Variants in PLXNC1 observed in about 807,000 individuals in gnomAD.
The protein encoded by PLXNC1 is plexin C1, also known as plexin-C1.
PLXNC1 carries 75 observed loss-of-function variants against 178.2 expected under a neutral mutation model. The observed-to-expected ratio is 0.42, with a 90% CI of 0.35 to 0.51. PLXNC1 has a LOEUF of 0.51. Ranked by LOEUF, PLXNC1 falls within the 20% of genes least tolerant of loss-of-function variation. PLXNC1 has a pLI of 0.02. For missense variants in PLXNC1, 1,503 were observed against 1,984.4 expected, an observed-to-expected ratio of 0.76 and a Z score of 4.61; for synonymous variants, 790 against 779.9, an observed-to-expected ratio of 1.01 and a Z score of -0.22.
chr12:94,159,932 G>A (rs1961316166), intron 1 of PLXNC1, among the ~76,000 whole-genome samples: 2 of 152,236 alleles, frequency 1.3e-5, no homozygotes, highest in Non-Finnish European at 2.9e-5. Context: ...AACTGAGGTT[G>A]CAGCAATGAG....
chr12:94,307,402 T>G lies in PLXNC1; in HGVS notation c.*2117T>G, dbSNP rs1005100392. 1 of 152,184 alleles carries G rather than the reference T, an allele frequency of 6.6e-6. No individual in the cohort carries two copies. Among genetic ancestry groups the G allele is most frequent in the African/African-American group, 2.4e-5 (1 of 41,444 alleles). 9.4% of individuals were successfully genotyped at this position (152,184 alleles called of 1,614,324 possible). ...CAAATTAGATGTGTGCTGAAGACAATCAGTCACTGGGTCTATATTAAACAG... is the reference window on the plus strand; with the variant it reads ...CAAATTAGATGTGTGCTGAAGACAAGCAGTCACTGGGTCTATATTAAACAG... On this transcript the variant is annotated 3_prime_UTR_variant, in exon 31 of 31. Transcript: ENST00000258526.
intron 10 of PLXNC1, among the ~76,000 whole-genome samples, chr12:94,239,666 A>T (rs765143605): frequency 6.6e-6 from 1 of 152,248 alleles, no homozygotes; most frequent in African/African-American, 2.4e-5. Context: ...TGCAGGTGAC[A>T]GCGGGAATGT....
chr12:94,258,626 G>T (rs964852261), intron 17 of PLXNC1, among the ~76,000 whole-genome samples: 2 of 152,192 alleles, frequency 1.3e-5, no homozygotes, highest in African/African-American at 4.8e-5. Context: ...AACCAGTGGG[G>T]TGATAGCATT....
At chr12:94,282,866 G>C (rs1966550166) in intron 23 of PLXNC1, 1 of 155,858 alleles carries the variant, frequency 6.4e-6, no homozygotes, top group Admixed American at 6.2e-5. Context: ...TTGCAATATT[G>C]AGCGATACTT....
At chr12:94,249,787 C>T (rs561929382) in intron 14 of PLXNC1, among the ~76,000 whole-genome samples, 131 of 152,222 alleles carry the variant, frequency 8.6e-4, no homozygotes, top group Middle Eastern at 6.8e-3. Context: ...TGAGAGCCTA[C>T]GCTGTGATGG....
chr12:94,240,424 G>A, intron 10 of PLXNC1, 61 bp from the exon 11 acceptor site: 2 of 1,261,578 alleles, frequency 1.6e-6, no homozygotes, highest in Non-Finnish European at 2.3e-6. Flanking sequence ...CTGTCACCTT[G>A]GGTAATCAAC....
At chr12:94,190,573 CT>C (rs942665255) in intron 4 of PLXNC1, among the ~76,000 whole-genome samples, 5 of 152,168 alleles carry the variant, frequency 3.3e-5, no homozygotes, top group Admixed American at 2.0e-4. Context: ...TCCCTCACCC[CT>C]ATCCCAGTGC....
chr12:94,291,440 G>A (rs1014645153), intron 23 of PLXNC1, among the ~76,000 whole-genome samples: 5 of 152,060 alleles, frequency 3.3e-5, no homozygotes, highest in African/African-American at 7.2e-5. Context: ...TGAGTTCTCC[G>A]GGCTGGTCTT....
chr12:94,183,244 G>A (rs142627995), intron 3 of PLXNC1, among the ~76,000 whole-genome samples: 197 of 152,232 alleles, frequency 1.3e-3, no homozygotes, highest in Non-Finnish European at 2.2e-3. Flanking sequence ...GTAGTTTCTG[G>A]TATTCTTATA....
chr12:94,152,397 G>A (rs983512292), intron 1 of PLXNC1, among the ~76,000 whole-genome samples: 6 of 152,106 alleles, frequency 3.9e-5, no homozygotes, highest in Non-Finnish European at 8.8e-5. Context: ...CTCTGTGCTG[G>A]GTGCCACTGA....
intron 4 of PLXNC1, among the ~76,000 whole-genome samples, chr12:94,188,571 G>C (rs1372431058): frequency 6.6e-6 from 1 of 152,136 alleles, no homozygotes. Context: ...TGATCCGCCT[G>C]CCTCAGCCTC....
intron 2 of PLXNC1, among the ~76,000 whole-genome samples, chr12:94,178,721 A>G (rs917073622): frequency 2.6e-5 from 4 of 152,238 alleles, no homozygotes; most frequent in African/African-American, 9.6e-5. Context: ...TTAGGTAGCT[A>G]GTGAACACTT....
chr12:94,154,930 G>A (rs1961106824), intron 1 of PLXNC1, among the ~76,000 whole-genome samples: 1 of 152,188 alleles, frequency 6.6e-6, no homozygotes, highest in South Asian at 2.1e-4. Context: ...AATAAATGAA[G>A]GATCGTAGAG....
chr12:94,236,490 G>C (rs1964244295), intron 9 of PLXNC1, among the ~76,000 whole-genome samples: 1 of 152,230 alleles, frequency 6.6e-6, no homozygotes, highest in South Asian at 2.1e-4. Flanking sequence ...ACATCACGGA[G>C]TTCTCCCAGT....
chr12:94,153,635 A>T (rs1195008994), intron 1 of PLXNC1, among the ~76,000 whole-genome samples: 1 of 152,136 alleles, frequency 6.6e-6, no homozygotes, highest in Non-Finnish European at 1.5e-5. Context: ...CGTGGTTTAA[A>T]CATGGCAGCC....
chr12:94,160,492 T>A (rs1012291130), intron 1 of PLXNC1, among the ~76,000 whole-genome samples: 1 of 152,194 alleles, frequency 6.6e-6, no homozygotes, highest in African/African-American at 2.4e-5. Flanking sequence ...GCGTGTTACC[T>A]AACACACCAG....
rs570431262 is a variant in PLXNC1 at position 94,207,289 on chromosome 12, G to GTT, written c.1440-2297_1440-2296dup. Among the ~76,000 whole-genome samples the GTT allele has an allele frequency of 2.0e-3, 304 of 151,510 alleles. 1 individual carries two copies. Among genetic ancestry groups the GTT allele is most frequent in the East Asian group, 0.017 (86 of 5,162 alleles). On this transcript the variant is annotated intron_variant, in intron 4 of 30. Transcript: ENST00000258526. ...TAGTTGCTTAACATGGTTAGATTTT[G>GTT]TTTTTGCCTTATGCAGAATAAAAAA... is the stretch of plus-strand genomic sequence containing the variant.
intron 23 of PLXNC1, among the ~76,000 whole-genome samples, chr12:94,285,130 G>A (rs1392502809): frequency 1.3e-5 from 2 of 152,234 alleles, no homozygotes; most frequent in South Asian, 2.1e-4. Flanking sequence ...GGATGACTGT[G>A]CAGATGCCTG....
At chr12:94,221,061 G>T (rs1963783804) in intron 6 of PLXNC1, among the ~76,000 whole-genome samples, 1 of 152,210 alleles carries the variant, frequency 6.6e-6, no homozygotes, top group African/African-American at 2.4e-5. Flanking sequence ...AACACTGAAA[G>T]GTTTAAGCCG....
Sources: allele counts gnomAD v4.1 joint callset (sites outside exome capture counted in the v4.1 genomes callset), GRCh38; gene constraint gnomAD v4.1.1; transcripts MANE v1.5; gene names NCBI Gene and HGNC (gene_info 2026-07-23, HGNC 2026-07-21).